The following RNF144A variants were observed in gnomAD, a reference collection of about 807,000 sequenced individuals.
RNF144A encodes the protein ring finger protein 144A, also known as E3 ubiquitin-protein ligase RNF144A.
Under a neutral mutation model 38.7 loss-of-function variants are expected in RNF144A, and 11 were observed. That is an observed-to-expected ratio of 0.28 (90% CI 0.18 to 0.47). The LOEUF is 0.47. RNF144A is among the 20% of genes least tolerant of loss of function. The pLI, the probability that RNF144A is intolerant of heterozygous loss-of-function variation, is 0.99. For missense variants in RNF144A, 316 were observed against 377.2 expected (o/e 0.84, Z 1.34); for synonymous variants, 149 against 143.9 (o/e 1.04, Z -0.25).
At chr2:6,979,197 G>A (rs1572323660) in intron 2 of RNF144A, among the ~76,000 whole-genome samples, 1 of 152,192 alleles carries the variant, frequency 6.6e-6, no homozygotes, top group African/African-American at 2.4e-5. Context: ...AGGCGCTGCT[G>A]TGGGTTGACC....
chr2:7,070,343 G>A (rs541285205), downstream of RNF144A, among the ~76,000 whole-genome samples: 1 of 152,112 alleles, frequency 6.6e-6, no homozygotes, highest in Non-Finnish European at 1.5e-5. Context: ...GCCAATTTTT[G>A]TATTTTTTGT....
At chr2:6,993,605 G>A (rs1669534464) in intron 2 of RNF144A, among the ~76,000 whole-genome samples, 1 of 152,160 alleles carries the variant, frequency 6.6e-6, no homozygotes, top group South Asian at 2.1e-4. Context: ...GGCCCTCTGT[G>A]GAGCGGTTAA....
Position 6,950,888 on chromosome 2 carries a change from T to C in RNF144A, c.-12+9741T>C, listed in dbSNP as rs1051176156. Reference sequence around the variant, plus strand: ...TTGTATTTTTCTTATTGATTTGAACTCATTTTCCTGTATTCTGAAGACTGT... The same window carrying C: ...TTGTATTTTTCTTATTGATTTGAACCCATTTTCCTGTATTCTGAAGACTGT... On this transcript the variant is annotated intron_variant, in intron 2 of 8. Coordinates refer to ENST00000320892, the MANE Select transcript of RNF144A (RefSeq NM_014746.6). 3.9e-5 allele frequency among the ~76,000 whole-genome samples: 6 copies of C among 152,344 alleles called. No individual in the cohort carries two copies. The East Asian group carries it at 5.8e-4, about 15-fold the overall frequency.
chr2:7,019,171 C>G (rs576919376), intron 5 of RNF144A, among the ~76,000 whole-genome samples: 16 of 152,288 alleles, frequency 1.1e-4, no homozygotes, highest in African/African-American at 3.9e-4. Context: ...CAAAGCTAGA[C>G]CCTACACAAG....
rs377394188 is a variant in RNF144A, at chr2:7,020,656, T to G, written c.485T>G (p.Ile162Ser). 2.6e-5 allele frequency: 42 copies of G among 1,605,060 alleles called. No homozygotes were observed. Among genetic ancestry groups the G allele is most frequent in the Non-Finnish European group, 3.5e-5 (41 of 1,179,954 alleles). ...PGQGCPETMPITFLPGETSAA... is the reference protein window; with the variant it reads ...PGQGCPETMPSTFLPGETSAA... ...CAGGGCTGCCCGGAGACCATGCCGA[T>G]CACCTTCCTCCCCGGGGAGACCAGG... Residue 162 changes from isoleucine to serine, a missense_variant, in exon 6 of 9, where the codon ATC (isoleucine) becomes AGC (serine). Coordinates refer to ENST00000320892, the MANE Select transcript of RNF144A (RefSeq NM_014746.6).
rs1672984593 is a variant in RNF144A, at chr2:7,040,582, C to T, written c.*822C>T. On this transcript the variant is annotated 3_prime_UTR_variant, in exon 9 of 9. Transcript: ENST00000320892. ...TCAGCTCATGGGCCTCATCCCTTCTCTCCCAGGTAGCAGAAAACGCTTTTT... is the reference window on the plus strand; with the variant it reads ...TCAGCTCATGGGCCTCATCCCTTCTTTCCCAGGTAGCAGAAAACGCTTTTT... 2 of 985,326 alleles carry T rather than the reference C, an allele frequency of 2.0e-6. No homozygotes were observed. Among genetic ancestry groups the T allele is most frequent in the Non-Finnish European group, 2.4e-6 (2 of 829,910 alleles). 61.0% of individuals were successfully genotyped at this position (985,326 alleles called of 1,614,324 possible).
downstream of RNF144A, chr2:7,068,344 C>A: frequency 2.3e-6 from 2 of 856,102 alleles, no homozygotes; most frequent in South Asian, 2.8e-5. Flanking sequence ...GGTAGTGGCA[C>A]CGTGAAACTT....
At position 7,014,758 on chromosome 2, in the gene RNF144A, T is replaced by A. The variant is rs1671032470; in HGVS notation, c.287T>A (p.Leu96Gln). The change falls in exon 5 of 9, where the codon CTA (leucine) becomes CAA (glutamine). Residue 96 changes from leucine (L) to glutamine (Q), a missense_variant. By Grantham distance (113) the Leu-to-Gln change is moderately radical (BLOSUM62 -2). Transcript: ENST00000320892. ...AAEIMQRYKK[L>Q]QFEREVLFDP... is the part of the protein sequence containing the mutation. ...GAAATTATGCAAAGATATAAAAAGCTACAATTTGAAAGAGGTAGGTGCCTG... is the reference window on the plus strand; with the variant it reads ...GAAATTATGCAAAGATATAAAAAGCAACAATTTGAAAGAGGTAGGTGCCTG... The A allele has an allele frequency of 6.2e-7, 1 of 1,612,580 alleles. No homozygotes were observed. The highest frequency in any genetic ancestry group is 8.5e-7 in the Non-Finnish European group (1 of 1,178,640).
intron 2 of RNF144A, among the ~76,000 whole-genome samples, chr2:6,979,612 G>A (rs1668511777): frequency 6.6e-6 from 1 of 151,940 alleles, no homozygotes; most frequent in African/African-American, 2.4e-5. Flanking sequence ...CATCTTTGGT[G>A]GGGGACCAGA....
intron 1 of RNF144A, among the ~76,000 whole-genome samples, chr2:6,924,110 C>A: frequency 6.6e-6 from 1 of 152,194 alleles, no homozygotes; most frequent in Non-Finnish European, 1.5e-5. Context: ...TAGGTCAGGT[C>A]ACAGAACAAT....
chr2:7,054,272 T>C (rs1248189738), intron 6 of RNF144A, among the ~76,000 whole-genome samples: 2 of 152,200 alleles, frequency 1.3e-5, no homozygotes, highest in Non-Finnish European at 2.9e-5. Flanking sequence ...GCCCCGCAAG[T>C]GTTCTTTCAG....
At chr2:7,051,438 T>G (rs1255411269) in intron 6 of RNF144A, among the ~76,000 whole-genome samples, 1 of 152,052 alleles carries the variant, frequency 6.6e-6, no homozygotes, top group South Asian at 2.1e-4. Flanking sequence ...CAATAAGATA[T>G]GGGATTTGCC....
In RNF144A at chr2:6,958,464, G is replaced by A. The variant is rs115547989; in HGVS notation, c.-12+17317G>A. On this transcript the variant is annotated intron_variant, in intron 2 of 8. Coordinates refer to ENST00000320892, the MANE Select transcript of RNF144A (RefSeq NM_014746.6). The surrounding 1 kb of genome is among the most constrained non-coding windows in gnomAD (Gnocchi z 4.5). ...CGGGCCAGATGTCTTAGTGATTCAT[G>A]GTGCTCTCAGCATAGACCTTGAGCA... Among the ~76,000 whole-genome samples the A allele has an allele frequency of 0.014, 2,147 of 152,244 alleles. 62 individuals are homozygous for A. The highest frequency in any genetic ancestry group is 0.049 in the African/African-American group (2,031 of 41,534).
intron 6 of RNF144A, among the ~76,000 whole-genome samples, chr2:7,054,708 G>A (rs1436292837): frequency 6.6e-6 from 1 of 152,168 alleles, no homozygotes; most frequent in African/African-American, 2.4e-5. Context: ...ACAGCAAGGG[G>A]CACCATCTTG....
chr2:7,000,098 C>G (rs1670006613), intron 3 of RNF144A, among the ~76,000 whole-genome samples: 1 of 152,188 alleles, frequency 6.6e-6, no homozygotes, highest in African/African-American at 2.4e-5. Flanking sequence ...GCTTTCCTTG[C>G]TTGCAGGGTG....
chr2:7,058,822 G>A (rs921474694), intron 6 of RNF144A, among the ~76,000 whole-genome samples: 1 of 151,922 alleles, frequency 6.6e-6, no homozygotes, highest in African/African-American at 2.4e-5. Context: ...CAATGTTTTT[G>A]TTAAACAGTT....
chr2:6,992,486 T>G (rs1669459737), intron 2 of RNF144A, among the ~76,000 whole-genome samples: 1 of 151,964 alleles, frequency 6.6e-6, no homozygotes, highest in Middle Eastern at 3.2e-3. Context: ...TGTGAAGGGT[T>G]TGTAGGGTGT....
chr2:6,950,938 T>C (rs1253911326), intron 2 of RNF144A, among the ~76,000 whole-genome samples: 1 of 152,196 alleles, frequency 6.6e-6, no homozygotes, highest in East Asian at 1.9e-4. Flanking sequence ...GTTAAAAATA[T>C]TACCTCCCAG....
chr2:6,994,744 C>A (rs1572359640), intron 2 of RNF144A, among the ~76,000 whole-genome samples: 1 of 152,330 alleles, frequency 6.6e-6, no homozygotes, highest in South Asian at 2.1e-4. Context: ...CCTTTTGTAA[C>A]AGGGAAGACA....
Sources: gnomAD v4.1 joint callset for allele counts (sites outside exome capture counted in the v4.1 genomes callset) on GRCh38, gnomAD v4.1.1 for gene constraint, Gnocchi (gnomAD v3.1) non-coding constraint, MANE v1.5 for transcripts, NCBI Gene and HGNC (gene_info 2026-07-23, HGNC 2026-07-21) for gene names.